The following PHF21B variants were observed in gnomAD, a reference collection of about 807,000 sequenced individuals.
PHF21B encodes PHD finger protein 4.
PHF21B carries 22 observed loss-of-function variants against 62.2 expected under a neutral mutation model. That is an observed-to-expected ratio of 0.35 (90% CI 0.25 to 0.51). The LOEUF (loss-of-function observed/expected upper bound fraction) is 0.51, where lower values mean the gene tolerates loss of function less well. Among genes scored for constraint, PHF21B ranks in the 20% least tolerant of loss-of-function variants. The pLI is 0.97. For missense variants in PHF21B, 701 were observed against 707.9 expected (o/e 0.99, Z 0.11); for synonymous variants, 341 against 314.7 (o/e 1.08, Z -0.88).
chr22:45,008,614 C>T lies in PHF21B; in HGVS notation c.55-4G>A. 3 of 1,582,964 alleles carry T rather than the reference C, an allele frequency of 1.9e-6. No individual in the cohort carries two copies. Among genetic ancestry groups the T allele is most frequent in the Non-Finnish European group, 1.7e-6 (2 of 1,165,112 alleles). ...GCTGCTTCTTGAGGTCGCCGTTCTG[C>T]GGAAACACGGAGGAGCGGGCTCAGG... is the stretch of plus-strand genomic sequence containing the variant. On this transcript the variant is annotated splice_polypyrimidine_tract_variant and splice_region_variant and intron_variant, in intron 1 of 12. Coordinates refer to ENST00000313237, the MANE Select transcript of PHF21B (RefSeq NM_138415.5).
At chr22:44,921,269 A>C (rs2071530272) in intron 2 of PHF21B, among the ~76,000 whole-genome samples, 1 of 152,182 alleles carries the variant, frequency 6.6e-6, no homozygotes, top group African/African-American at 2.4e-5. Context: ...ACACGCGTAC[A>C]GGAGATGTGT....
At chr22:44,991,906 A>T (rs4640493) in intron 2 of PHF21B, among the ~76,000 whole-genome samples, 106,989 of 152,204 alleles carry the variant, frequency 0.7, 40,145 homozygotes, top group East Asian at 0.92. Context: ...ATATTTAGTA[A>T]ATGAGTCAAT....
chr22:44,912,045 T>C (rs1193512490), intron 5 of PHF21B, among the ~76,000 whole-genome samples: 1 of 152,242 alleles, frequency 6.6e-6, no homozygotes, highest in African/African-American at 2.4e-5. Flanking sequence ...AGCTTTAAGG[T>C]TTAACTGCCC....
Position 44,882,834 on chromosome 22 carries a change from A to G in PHF21B, c.*252T>C, listed in dbSNP as rs1305570252. On this transcript the variant is annotated 3_prime_UTR_variant, in exon 13 of 13. Coordinates refer to ENST00000313237, the MANE Select transcript of PHF21B (RefSeq NM_138415.5). ...GCAGCCCCGAGGTGGCCGGGGGGAG[A>G]CTGTGTGCCCCAGCCTGTCGTACCC... 6 of 449,636 alleles carry G rather than the reference A, an allele frequency of 1.3e-5. No individual in the cohort carries two copies. The highest frequency in any genetic ancestry group is 1.1e-4 in the South Asian group (3 of 28,016). 27.9% of individuals were successfully genotyped at this position (449,636 alleles called of 1,614,324 possible).
intron 5 of PHF21B, among the ~76,000 whole-genome samples, chr22:44,899,555 G>A (rs2071120868): frequency 6.6e-6 from 1 of 152,068 alleles, no homozygotes; most frequent in African/African-American, 2.4e-5. Context: ...CTCCCAAAGT[G>A]CTGGGATTAC....
intron 3 of PHF21B, 118 bp from the exon 4 acceptor site, chr22:44,916,748 C>T: frequency 1.1e-6 from 1 of 936,692 alleles, no homozygotes; most frequent in Non-Finnish European, 1.6e-6. Flanking sequence ...CTGGAAAGAG[C>T]ACAGCGCCTG....
chr22:44,897,594 A>G lies in PHF21B; in HGVS notation c.832-1511T>C, dbSNP rs1334253161. On this transcript the variant is annotated intron_variant, in intron 5 of 12. Coordinates refer to ENST00000313237, the MANE Select transcript of PHF21B (RefSeq NM_138415.5). The stretch of plus-strand genomic sequence containing the variant: ...GAGTATTTGATGAATCTGTGAGTCA[A>G]TATTTCCTTGTCTGGGATATGACTT... Among the ~76,000 whole-genome samples, 6 of 152,248 alleles carry G rather than the reference A, an allele frequency of 3.9e-5. No individual in the cohort carries two copies. The South Asian group carries it at 1.0e-3, about 26-fold the overall frequency.
chr22:44,966,369 G>A lies in PHF21B; in HGVS notation c.120+42176C>T, dbSNP rs982278828. Reference sequence around the variant, plus strand: ...ACTTGCCCAAGGTCACACAATCTGCGTGAAGGTCAAAGCAGACAAGCTGGG... The same window carrying A: ...ACTTGCCCAAGGTCACACAATCTGCATGAAGGTCAAAGCAGACAAGCTGGG... On this transcript the variant is annotated intron_variant, in intron 2 of 12. Coordinates refer to ENST00000313237, the MANE Select transcript of PHF21B (RefSeq NM_138415.5). Among the ~76,000 whole-genome samples, 8 of 152,220 alleles carry A rather than the reference G, an allele frequency of 5.3e-5. No individual in the cohort carries two copies. The East Asian group carries it at 5.8e-4, about 11-fold the overall frequency.
intron 2 of PHF21B, among the ~76,000 whole-genome samples, chr22:44,974,971 C>T (rs559184553): frequency 2.8e-4 from 42 of 152,284 alleles, no homozygotes; most frequent in African/African-American, 9.6e-4. Flanking sequence ...AAACAAACAT[C>T]CTACAATTCA....
intron 2 of PHF21B, among the ~76,000 whole-genome samples, chr22:44,996,516 T>A (rs948886734): frequency 6.6e-6 from 1 of 151,966 alleles, no homozygotes; most frequent in African/African-American, 2.4e-5. Flanking sequence ...TTCTGCCCCA[T>A]GAAAGGGCTG....
At chr22:44,929,891 G>A (rs1021700491) in intron 2 of PHF21B, among the ~76,000 whole-genome samples, 3 of 152,204 alleles carry the variant, frequency 2.0e-5, no homozygotes, top group African/African-American at 4.8e-5. Context: ...GCGACAGGTC[G>A]AAGATGAGGT....
chr22:45,005,828 C>G (rs973673756), intron 2 of PHF21B, among the ~76,000 whole-genome samples: 1 of 152,176 alleles, frequency 6.6e-6, no homozygotes, highest in African/African-American at 2.4e-5. Flanking sequence ...TAAAAGAATT[C>G]TACCTTTAAT....
chr22:44,919,027 G>A (rs764355289), intron 3 of PHF21B, among the ~76,000 whole-genome samples: 12 of 152,036 alleles, frequency 7.9e-5, no homozygotes, highest in Admixed American at 2.6e-4. Context: ...CTCTGCCTCC[G>A]TTTCTCACCC....
intron 2 of PHF21B, among the ~76,000 whole-genome samples, chr22:44,936,870 C>CT (rs370585353): frequency 0.76 from 98,143 of 128,400 alleles, 37,862 homozygotes; most frequent in Non-Finnish European, 0.84. Flanking sequence ...CACTTTCTTT[C>CT]TTTTTTTTTT....
intron 1 of PHF21B, 95 bp from the exon 2 acceptor site, chr22:45,008,705 C>T (rs1227287354): frequency 1.2e-5 from 13 of 1,110,520 alleles, no homozygotes; most frequent in African/African-American, 1.7e-5. Context: ...CGGAGCCCCA[C>T]GGGCGGGGCC....
At chr22:44,955,015 T>C (rs1436049851) in intron 2 of PHF21B, among the ~76,000 whole-genome samples, 1 of 152,106 alleles carries the variant, frequency 6.6e-6, no homozygotes, top group Non-Finnish European at 1.5e-5. Flanking sequence ...CCAGAAGCCA[T>C]GATCAAGCAA....
rs576391274 is a variant in PHF21B at position 44,892,507 on chromosome 22, C to G, written c.960+950G>C. On this transcript the variant is annotated intron_variant, in intron 7 of 12. Coordinates refer to ENST00000313237, the MANE Select transcript of PHF21B (RefSeq NM_138415.5). ...GATTCTGGGCAGTGGCCCAGACTAG[C>G]CCGCACCCTGGGAGGTGAGACAGCA... 3.9e-5 allele frequency among the ~76,000 whole-genome samples: 6 copies of G among 152,336 alleles called. No homozygotes were observed. The South Asian group carries it at 1.0e-3, about 26-fold the overall frequency.
At chr22:44,905,290 C>A (rs1168650518) in intron 5 of PHF21B, among the ~76,000 whole-genome samples, 1 of 152,240 alleles carries the variant, frequency 6.6e-6, no homozygotes, top group Non-Finnish European at 1.5e-5. Flanking sequence ...TTCAAAAGCA[C>A]TAATTATCTC....
intron 5 of PHF21B, among the ~76,000 whole-genome samples, chr22:44,900,489 T>C (rs950737568): frequency 6.6e-5 from 10 of 152,112 alleles, no homozygotes; most frequent in African/African-American, 1.4e-4. Context: ...TTACTAGAGA[T>C]GGGGTTTCAC....
Sources: allele counts gnomAD v4.1 joint callset (sites outside exome capture counted in the v4.1 genomes callset), GRCh38; gene constraint gnomAD v4.1.1; transcripts MANE v1.5; gene names NCBI Gene and HGNC (gene_info 2026-07-23, HGNC 2026-07-21).